GNAQ: variants seen among roughly 807,000 people sequenced by gnomAD.
The protein encoded by GNAQ is G protein subunit alpha q, also known as guanine nucleotide-binding protein G(q) subunit alpha.
GNAQ carries 8 observed loss-of-function variants against 43.9 expected under a neutral mutation model. The ratio of observed to expected loss-of-function variants is 0.18; its 90% CI spans 0.11 to 0.33. The LOEUF is 0.33. GNAQ is among the 10% of genes least tolerant of loss of function. The pLI is 1.00. For synonymous variants in GNAQ, 155 were observed against 170.7 expected, an observed-to-expected ratio of 0.91 and a Z score of 0.71; for missense variants, 158 against 450.8, an observed-to-expected ratio of 0.35 and a Z score of 5.88.
At chr9:77,943,724 C>T (rs187721794) in intron 1 of GNAQ, among the ~76,000 whole-genome samples, 19 of 141,060 alleles carry the variant, frequency 1.3e-4, no homozygotes, top group Middle Eastern at 9.1e-3. Flanking sequence ...AGTGCAGTGG[C>T]GTGATCTTGG....
chr9:77,912,069 T>C (rs572202646), intron 2 of GNAQ, among the ~76,000 whole-genome samples: 2 of 152,332 alleles, frequency 1.3e-5, no homozygotes, highest in East Asian at 3.9e-4. Flanking sequence ...TCTTTAAAAG[T>C]ACACAGGAAT....
At chr9:77,836,288 T>C (rs1158443972) in intron 2 of GNAQ, among the ~76,000 whole-genome samples, 3 of 152,236 alleles carry the variant, frequency 2.0e-5, no homozygotes, top group Middle Eastern at 6.8e-3. Flanking sequence ...CAATATCCTT[T>C]CAGGTATTCC....
intron 5 of GNAQ, among the ~76,000 whole-genome samples, chr9:77,734,488 G>A (rs1005042087): frequency 6.9e-6 from 1 of 145,472 alleles, no homozygotes; most frequent in Non-Finnish European, 1.5e-5. Context: ...AATGTCATGA[G>A]GGCATTCATA....
chr9:77,725,579 T>TAAAA (rs55766160), intron 6 of GNAQ, among the ~76,000 whole-genome samples: 2 of 57,142 alleles, frequency 3.5e-5, no homozygotes, highest in African/African-American at 1.4e-4. Context: ...AAGGTAACAG[T>TAAAA]AAAAAAAAAA....
intron 1 of GNAQ, among the ~76,000 whole-genome samples, chr9:77,958,852 C>T (rs1276585923): frequency 1.3e-5 from 2 of 152,140 alleles, no homozygotes; most frequent in Non-Finnish European, 2.9e-5. Context: ...CTGATTTCAA[C>T]CCCAAAACTA....
chr9:78,006,853 T>C (rs961573459), intron 1 of GNAQ, among the ~76,000 whole-genome samples: 2 of 152,218 alleles, frequency 1.3e-5, no homozygotes, highest in Non-Finnish European at 2.9e-5. Context: ...ATGAGGTTAC[T>C]GGATGCATTT....
chr9:77,749,139 G>A (rs979424562), intron 5 of GNAQ, among the ~76,000 whole-genome samples: 2 of 152,200 alleles, frequency 1.3e-5, no homozygotes, highest in African/African-American at 2.4e-5. Context: ...CTTCACTGCC[G>A]CCAGGTTCTC....
chr9:77,939,128 CTCCTA>C, intron 1 of GNAQ, among the ~76,000 whole-genome samples: 1 of 152,288 alleles, frequency 6.6e-6, no homozygotes, highest in African/African-American at 2.4e-5. Context: ...TCCCACTGTT[CTCCTA>C]TATCAGGTGT....
At chr9:77,902,056 T>G (rs1231134437) in intron 2 of GNAQ, among the ~76,000 whole-genome samples, 1 of 152,244 alleles carries the variant, frequency 6.6e-6, no homozygotes, top group Non-Finnish European at 1.5e-5. Context: ...ATACAAATTT[T>G]GATGGGACAC....
At chr9:77,861,045 TAC>T (rs774244668) in intron 2 of GNAQ, among the ~76,000 whole-genome samples, 22 of 152,300 alleles carry the variant, frequency 1.4e-4, no homozygotes, top group Non-Finnish European at 2.5e-4. Context: ...CTTGGCAATT[TAC>T]AAATGAAAGA....
chr9:77,791,114 C>A lies in GNAQ; in HGVS notation c.735+3349G>T, dbSNP rs566920680. Reference sequence around the variant, plus strand: ...AAATGATAACATAATTCCTCATGACCATTTCAAGATGATTAATAAATTCAA... The same window carrying A: ...AAATGATAACATAATTCCTCATGACAATTTCAAGATGATTAATAAATTCAA... On this transcript the variant is annotated intron_variant, in intron 5 of 6. Coordinates refer to ENST00000286548, the MANE Select transcript of GNAQ (RefSeq NM_002072.5). Among the ~76,000 whole-genome samples the A allele has an allele frequency of 9.9e-5, 15 of 152,192 alleles. 2 individuals are homozygous for A. In the South Asian group the frequency reaches 3.1e-3, roughly 32 times the overall value.
chr9:77,734,020 C>A (rs1825535385), intron 5 of GNAQ, among the ~76,000 whole-genome samples: 2 of 152,222 alleles, frequency 1.3e-5, no homozygotes, highest in Admixed American at 1.3e-4. Context: ...TGGCACAAAT[C>A]TCCGCATAAC....
At position 77,912,452 on chromosome 9, in the gene GNAQ, G is replaced by A. The variant is rs560027193; in HGVS notation, c.321+9709C>T. Among the ~76,000 whole-genome samples the A allele has an allele frequency of 8.2e-4, 125 of 152,130 alleles. 1 individual carries two copies. Among genetic ancestry groups the A allele is most frequent in the Non-Finnish European group, 1.3e-3 (90 of 67,978 alleles). ...AAAATGTAAAACAATAAAGAACTTC[G>A]AAGAAAATCCAGCAAATTATCTACA... On this transcript the variant is annotated intron_variant, in intron 2 of 6. Coordinates refer to ENST00000286548, the MANE Select transcript of GNAQ (RefSeq NM_002072.5).
chr9:77,973,013 GGAAA>G, intron 1 of GNAQ, among the ~76,000 whole-genome samples: 2 of 118,352 alleles, frequency 1.7e-5, no homozygotes, highest in Middle Eastern at 4.4e-3. Flanking sequence ...AAAAAAGAAA[GGAAA>G]AAAAAAAAAA....
intron 5 of GNAQ, among the ~76,000 whole-genome samples, chr9:77,730,835 T>G (rs919871853): frequency 6.6e-6 from 1 of 152,210 alleles, no homozygotes; most frequent in African/African-American, 2.4e-5. Context: ...AGCTTGAGAT[T>G]TTATAGGCTG....
chr9:77,845,349 T>G (rs1564128432), intron 2 of GNAQ, among the ~76,000 whole-genome samples: 1 of 152,212 alleles, frequency 6.6e-6, no homozygotes, highest in Non-Finnish European at 1.5e-5. Context: ...GGTGGTGAAT[T>G]GCTTCAGTGT....
chr9:77,769,155 C>T (rs1194630872), intron 5 of GNAQ, among the ~76,000 whole-genome samples: 2 of 152,160 alleles, frequency 1.3e-5, no homozygotes, highest in African/African-American at 2.4e-5. Flanking sequence ...AATTCCAGCA[C>T]TTTGGGAGGT....
chr9:77,874,109 AAAAAAAACAAAAAAAC>A (rs1261057804), intron 2 of GNAQ, among the ~76,000 whole-genome samples: 14 of 148,180 alleles, frequency 9.4e-5, no homozygotes, highest in African/African-American at 1.5e-4. Context: ...CATCTCAAAA[AAAAAAAACAAAAAAAC>A]AAAAAAACAA....
Position 77,756,093 on chromosome 9 carries a change from G to A in GNAQ, c.736-27426C>T, listed in dbSNP as rs560031538. Among the ~76,000 whole-genome samples, 68 of 152,298 alleles carry A rather than the reference G, an allele frequency of 4.5e-4. 1 individual carries two copies. Among genetic ancestry groups the A allele is most frequent in the African/African-American group, 1.6e-3 (67 of 41,564 alleles). ...CGAGCCTACATCTTTCTCCTGTGCT[G>A]GATGCTTCCTGCCCTTGAACATCAG... On this transcript the variant is annotated intron_variant, in intron 5 of 6. Coordinates refer to ENST00000286548, the MANE Select transcript of GNAQ (RefSeq NM_002072.5).
Sources: allele counts gnomAD v4.1 joint callset (sites outside exome capture counted in the v4.1 genomes callset), GRCh38; gene constraint gnomAD v4.1.1; transcripts MANE v1.5; gene names NCBI Gene and HGNC (gene_info 2026-07-23, HGNC 2026-07-21).